PEAK1: variants seen among roughly 807,000 people sequenced by gnomAD.
The protein encoded by PEAK1 is pseudopodium enriched atypical kinase 1, also known as inactive tyrosine-protein kinase PEAK1.
In PEAK1, 54 loss-of-function variants were observed where a neutral mutation model predicts 124.7. The observed-to-expected ratio is 0.43, with a 90% CI of 0.35 to 0.54. The LOEUF is 0.54. Ranked by LOEUF, PEAK1 falls within the 20% of genes least tolerant of loss-of-function variation. PEAK1 has a pLI of 0.01. For missense variants in PEAK1, 2,046 were observed against 2,134.5 expected (o/e 0.96, Z 0.82); for synonymous variants, 719 against 760.0 (o/e 0.95, Z 0.89).
At chr15:77,298,064 C>CAAAAA (rs771222323) in intron 2 of PEAK1, among the ~76,000 whole-genome samples, 1 of 31,562 alleles carries the variant, frequency 3.2e-5, no homozygotes, top group East Asian at 1.6e-3. Context: ...GACTCCGTCT[C>CAAAAA]AAAAAAAAAA....
intron 9 of PEAK1, among the ~76,000 whole-genome samples, chr15:77,132,124 A>C (rs2052915738): frequency 6.6e-6 from 1 of 151,688 alleles, no homozygotes; most frequent in South Asian, 2.1e-4. Context: ...TTTGTTGCCC[A>C]GGCTGGAGTG....
intron 7 of PEAK1, among the ~76,000 whole-genome samples, chr15:77,167,367 C>T (rs926442388): frequency 6.6e-6 from 1 of 152,172 alleles, no homozygotes; most frequent in Non-Finnish European, 1.5e-5. Context: ...AAGACTACCC[C>T]ATTCTGGTAC....
chr15:77,399,378 A>G (rs959175252), intron 1 of PEAK1, among the ~76,000 whole-genome samples: 2 of 152,218 alleles, frequency 1.3e-5, no homozygotes, highest in African/African-American at 4.8e-5. Flanking sequence ...TGAGAAAAAA[A>G]GAACATAACT....
intron 2 of PEAK1, chr15:77,348,932 A>G (rs1320599701): frequency 1.1e-6 from 1 of 948,546 alleles, no homozygotes; most frequent in Admixed American, 6.2e-5. Flanking sequence ...ATGACTTACC[A>G]TGTATGGACT....
intron 6 of PEAK1, among the ~76,000 whole-genome samples, chr15:77,216,619 G>A (rs2059159118): frequency 6.6e-6 from 1 of 152,194 alleles, no homozygotes; most frequent in South Asian, 2.1e-4. Flanking sequence ...GATAAAGCCT[G>A]CACTGGCAGT....
rs144084747 is a variant in PEAK1, at chr15:77,414,923, T to A, written c.-666+5083A>T. 2.2e-3 allele frequency among the ~76,000 whole-genome samples: 337 copies of A among 152,294 alleles called. 2 individuals carry two copies. Among genetic ancestry groups the A allele is most frequent in the Non-Finnish European group, 3.7e-3 (255 of 68,018 alleles). On this transcript the variant is annotated intron_variant, in intron 1 of 9. Transcript: ENST00000682557. ...CCATAGTTCTTCAGTAGAGCTACAATACTCAATATCATTAATTCCCTCAAC... is the reference window on the plus strand; with the variant it reads ...CCATAGTTCTTCAGTAGAGCTACAAAACTCAATATCATTAATTCCCTCAAC...
intron 3 of PEAK1, among the ~76,000 whole-genome samples, chr15:77,286,003 T>C (rs999622255): frequency 6.6e-6 from 1 of 152,228 alleles, no homozygotes; most frequent in Non-Finnish European, 1.5e-5. Flanking sequence ...GTGCTATAAA[T>C]TTCCCTCTAT....
intron 2 of PEAK1, among the ~76,000 whole-genome samples, chr15:77,298,835 C>T (rs1158879416): frequency 1.3e-5 from 2 of 152,128 alleles, no homozygotes; most frequent in Non-Finnish European, 2.9e-5. Flanking sequence ...CCCTTCTCTC[C>T]GTTTCCTTAG....
chr15:77,286,750 CT>C (rs1487096605), intron 2 of PEAK1, among the ~76,000 whole-genome samples: 2 of 152,056 alleles, frequency 1.3e-5, no homozygotes, highest in Admixed American at 6.6e-5. Context: ...AAATTTGTTC[CT>C]TACTTCAAAA....
At chr15:77,326,194 C>G (rs912502439) in intron 2 of PEAK1, among the ~76,000 whole-genome samples, 1 of 152,086 alleles carries the variant, frequency 6.6e-6, no homozygotes, top group South Asian at 2.1e-4. Flanking sequence ...CCCCAACACA[C>G]AGATTCATCT....
At chr15:77,236,302 CT>C in intron 6 of PEAK1, among the ~76,000 whole-genome samples, 1 of 152,236 alleles carries the variant, frequency 6.6e-6, no homozygotes, top group East Asian at 1.9e-4. Context: ...AGAGGCAGGA[CT>C]ACCCAAGGCC....
intron 2 of PEAK1, chr15:77,355,790 T>C: frequency 1.0e-6 from 1 of 985,354 alleles, no homozygotes; most frequent in Non-Finnish European, 1.2e-6. Flanking sequence ...TTTACCTCGA[T>C]TCCAATTCCT....
intron 6 of PEAK1, among the ~76,000 whole-genome samples, chr15:77,237,430 CT>C (rs35516784): frequency 2.5e-4 from 36 of 145,302 alleles, no homozygotes; most frequent in South Asian, 1.1e-3. Flanking sequence ...GCTATTTAAA[CT>C]TTTTTTTTTT....
At chr15:77,394,324 G>A (rs537404622) in intron 1 of PEAK1, among the ~76,000 whole-genome samples, 2 of 152,338 alleles carry the variant, frequency 1.3e-5, no homozygotes, top group African/African-American at 4.8e-5. Flanking sequence ...CCTTGAGTGA[G>A]AGCCGGTGCC....
intron 2 of PEAK1, among the ~76,000 whole-genome samples, chr15:77,310,343 G>A (rs780147016): frequency 4.6e-5 from 7 of 152,156 alleles, no homozygotes; most frequent in Non-Finnish European, 7.4e-5. Flanking sequence ...TCATAGCACT[G>A]TTTAAGCAGA....
intron 5 of PEAK1, among the ~76,000 whole-genome samples, chr15:77,255,179 G>A (rs983511586): frequency 1.3e-5 from 2 of 152,152 alleles, no homozygotes; most frequent in Non-Finnish European, 1.5e-5. Flanking sequence ...AACAATTTGT[G>A]AGAAGATATC....
In PEAK1 at chr15:77,372,496, C is replaced by T. The variant is rs967786995; in HGVS notation, c.-665-7271G>A. On this transcript the variant is annotated intron_variant, in intron 1 of 9. Coordinates refer to ENST00000682557, the MANE Select transcript of PEAK1 (RefSeq NM_001385026.1). The stretch of plus-strand genomic sequence containing the variant: ...CTCAATCTGTTTGAATCTGTGTTTG[C>T]TCATTAGAAGCCTCTCAATGAATCA... 1.3e-4 allele frequency among the ~76,000 whole-genome samples: 20 copies of T among 152,262 alleles called. No homozygotes were observed. In the East Asian group the frequency reaches 3.9e-3, roughly 29 times the overall value.
intron 9 of PEAK1, among the ~76,000 whole-genome samples, chr15:77,123,918 G>A (rs2052145973): frequency 3.9e-5 from 6 of 152,104 alleles, no homozygotes; most frequent in Admixed American, 3.9e-4. Flanking sequence ...AGATATGGAT[G>A]AGATGGAAAA....
chr15:77,278,275 AAAAG>A (rs2062447043), intron 5 of PEAK1, among the ~76,000 whole-genome samples: 2 of 152,314 alleles, frequency 1.3e-5, no homozygotes, highest in African/African-American at 4.8e-5. Flanking sequence ...CTCAGCAATT[AAAAG>A]AATGAACTAC....
Sources: allele counts gnomAD v4.1 joint callset (sites outside exome capture counted in the v4.1 genomes callset), GRCh38; gene constraint gnomAD v4.1.1; transcripts MANE v1.5; gene names NCBI Gene and HGNC (gene_info 2026-07-23, HGNC 2026-07-21).